Variants in WRAP73 observed in about 807,000 individuals in gnomAD.
WRAP73 encodes WD repeat containing, antisense to TP73.
In WRAP73, 55 loss-of-function variants were observed where a neutral mutation model predicts 59.6. That is an observed-to-expected ratio of 0.92 (90% CI 0.74 to 1.15). WRAP73 has a LOEUF of 1.15. Among genes scored for constraint, WRAP73 ranks in the 50% most tolerant of loss-of-function variants. WRAP73 has a pLI of 0.00. For synonymous variants in WRAP73, 265 were observed against 258.2 expected, an observed-to-expected ratio of 1.03 and a Z score of -0.25; for missense variants, 592 against 608.1, an observed-to-expected ratio of 0.97 and a Z score of 0.28.
intron 2 of WRAP73, 94 bp downstream of exon 2, chr1:3,647,313 CT>C (rs1644701162): frequency 5.5e-5 from 74 of 1,341,210 alleles, no homozygotes; most frequent in South Asian, 1.2e-4. Flanking sequence ...GCTGCACGGA[CT>C]TTTTTTTCAA....
At chr1:3,647,316 T>C in intron 2 of WRAP73, 92 bp downstream of exon 2, 1 of 1,368,070 alleles carries the variant, frequency 7.3e-7, no homozygotes, top group Non-Finnish European at 9.6e-7. Flanking sequence ...GCACGGACTT[T>C]TTTTTCAAAC....
At chr1:3,631,782 G>A (rs1310819291) in intron 10 of WRAP73, 125 bp from the exon 11 acceptor site, 3 of 1,447,766 alleles carry the variant, frequency 2.1e-6, no homozygotes, top group East Asian at 2.5e-5. Flanking sequence ...TGGGGCGGCT[G>A]CACCCTGCAG....
Position 3,646,740 on chromosome 1 carries a change from C to T in WRAP73, c.265G>A (p.Glu89Lys), listed in dbSNP as rs2101972105. Reference protein sequence around the residue: ...EQPEWHCKIDEGSAGLVASCW... With the variant: ...EQPEWHCKIDKGSAGLVASCW... ...GAGGCCACCAGCCCGGCTGAGCCCT[C>T]GTCTATTTTGCAGTGCCATTCGGGC... is the stretch of plus-strand genomic sequence containing the variant. The change falls in exon 3 of 12, where the codon GAG (glutamate) becomes AAG (lysine). Residue 89 changes from glutamate to lysine, a missense_variant. Physicochemically the swap from Glu to Lys is moderately conservative, Grantham distance 56. Coordinates refer to ENST00000270708, the MANE Select transcript of WRAP73 (RefSeq NM_017818.4). The surrounding 1 kb of genome is among the most constrained non-coding windows in gnomAD (Gnocchi z 5.1). 1.9e-6 allele frequency: 3 copies of T among 1,611,592 alleles called. No homozygotes were observed. The highest frequency in any genetic ancestry group is 1.7e-5 in the Admixed American group (1 of 59,690).
chr1:3,641,350 G>A (rs1227070240), intron 3 of WRAP73, among the ~76,000 whole-genome samples: 7 of 152,030 alleles, frequency 4.6e-5, no homozygotes, highest in Admixed American at 1.3e-4. Flanking sequence ...CACTCAAGAC[G>A]GGAGGAACAG....
intron 6 of WRAP73, 117 bp from the exon 7 acceptor site, chr1:3,635,411 C>G: frequency 7.1e-7 from 1 of 1,405,580 alleles, no homozygotes; most frequent in Non-Finnish European, 9.7e-7. Context: ...GCAGGACTGT[C>G]CGCGTGGCCG....
At chr1:3,632,468 C>A in intron 9 of WRAP73, 130 bp from the exon 10 acceptor site, 1 of 1,469,570 alleles carries the variant, frequency 6.8e-7, no homozygotes. Context: ...GAAAGTGCGG[C>A]CCAAGGGCAG....
In WRAP73 at chr1:3,631,303, C is replaced by T. The variant is rs116783078; in HGVS notation, c.1240+163G>A. 2,304 of 1,294,872 alleles carry T rather than the reference C, an allele frequency of 1.8e-3. 29 individuals are homozygous for T. The African/African-American group carries it at 0.028, about 16-fold the overall frequency. 80.2% of individuals were successfully genotyped at this position (1,294,872 alleles called of 1,614,324 possible). On this transcript the variant is annotated intron_variant, in intron 11 of 11. Transcript: ENST00000270708. ...TTCTAGCCCATAAAGCTGAGGGCAG[C>T]GGGTCCCCTGTGTGTCCGTCTTGAG...
At chr1:3,636,053 C>T (rs750237439) in intron 5 of WRAP73, 23 bp from the exon 6 acceptor site, 3 of 1,581,434 alleles carry the variant, frequency 1.9e-6, no homozygotes, top group Non-Finnish European at 1.7e-6. Context: ...GGGGGGGAAA[C>T]ATTAAATTTG....
At position 3,631,099 on chromosome 1, in the gene WRAP73, G is replaced by C; in HGVS notation, c.1259C>G (p.Ser420Cys). Reference sequence around the variant, plus strand: ...GTCTCCGCTTAAATGCCAGCACAGAGAGAGCACTGCAAAGTCGCCTAGAGA... The same window carrying C: ...GTCTCCGCTTAAATGCCAGCACAGACAGAGCACTGCAAAGTCGCCTAGAGA... Reference protein sequence around the residue: ...VPGEGDFAVLSLCWHLSGDSM... With the variant: ...VPGEGDFAVLCLCWHLSGDSM... Residue 420 changes from serine (S) to cysteine (C), a missense_variant, in exon 12 of 12, where the codon TCT becomes TGT. By Grantham distance (112) the Ser-to-Cys change is moderately radical. Transcript: ENST00000270708. The C allele has an allele frequency of 6.2e-7, 1 of 1,613,356 alleles. No homozygotes were observed. Among genetic ancestry groups the C allele is most frequent in the Middle Eastern group, 1.6e-4 (1 of 6,062 alleles).
intron 1 of WRAP73, among the ~76,000 whole-genome samples, chr1:3,648,768 T>C (rs536665687): frequency 6.6e-6 from 1 of 152,200 alleles, no homozygotes; most frequent in Non-Finnish European, 1.5e-5. Context: ...TCACTGAAAT[T>C]TTCATAAATG....
chr1:3,631,373 G>A, intron 11 of WRAP73, 93 bp downstream of exon 11: 1 of 1,459,730 alleles, frequency 6.9e-7, no homozygotes, highest in Non-Finnish European at 9.3e-7. Context: ...AGTGCTGCCG[G>A]AGACAGCAGC....
chr1:3,636,797 G>A (rs953738818), intron 5 of WRAP73, 198 bp downstream of exon 5: 22 of 670,894 alleles, frequency 3.3e-5, no homozygotes, highest in African/African-American at 1.2e-4. Context: ...ACCTGGGCAC[G>A]CGTCCTTTTC....
intron 6 of WRAP73, 73 bp downstream of exon 6, chr1:3,635,871 T>C (rs1644584539): frequency 1.6e-6 from 2 of 1,267,986 alleles, no homozygotes; most frequent in East Asian, 2.3e-5. Flanking sequence ...CAAACTATAT[T>C]GCAGCATTCA....
At chr1:3,645,902 A>G (rs1334110188) in intron 3 of WRAP73, among the ~76,000 whole-genome samples, 3 of 152,182 alleles carry the variant, frequency 2.0e-5, no homozygotes, top group Non-Finnish European at 4.4e-5. Flanking sequence ...CAGGCTCCTG[A>G]AGGAAAGGTG....
chr1:3,640,485 ACCCGAGG>A (rs1644630133), intron 3 of WRAP73, among the ~76,000 whole-genome samples: 1 of 88,896 alleles, frequency 1.1e-5, no homozygotes, highest in Non-Finnish European at 2.2e-5. Context: ...AGGGTGGAAC[ACCCGAGG>A]CTCTGAGCAT....
At chr1:3,635,612 G>A in intron 6 of WRAP73, 1 of 483,784 alleles carries the variant, frequency 2.1e-6, no homozygotes, top group East Asian at 3.9e-5. Context: ...CTTGAACACA[G>A]AAGTTCAAGA....
Position 3,633,478 on chromosome 1 carries a change from C to G in WRAP73, c.842G>C (p.Ser281Thr), listed in dbSNP as rs370183710. 99 of 1,608,764 alleles carry G rather than the reference C, an allele frequency of 6.2e-5. 1 individual carries two copies. In the Middle Eastern group the frequency reaches 1.2e-3, roughly 19 times the overall value. Residue 281 changes from serine to threonine, a missense_variant, in exon 9 of 12, where the codon AGC (serine) becomes ACC (threonine). By Grantham distance (58) the Ser-to-Thr change is moderately conservative. Transcript: ENST00000270708. ...KIVVYKEAEK[S>T]PQLGLGCLSF... ...GAGGCAGCCCAGTCCCAGCTGTGGGCTCTTCTCGGCCTCCTTATACACCAC... is the reference window on the plus strand; with the variant it reads ...GAGGCAGCCCAGTCCCAGCTGTGGGGTCTTCTCGGCCTCCTTATACACCAC...
Position 3,646,883 on chromosome 1 carries a change from G to A in WRAP73, c.223-101C>T. On this transcript the variant is annotated intron_variant, in intron 2 of 11. Coordinates refer to ENST00000270708, the MANE Select transcript of WRAP73 (RefSeq NM_017818.4). This position sits in a 1 kb window ranked among gnomAD's most constrained non-coding sequence, Gnocchi z 5.1. ...ACGCAGCGGAGACCCGACCGCACAG[G>A]GTGTCTTCAAACTCATCAGCAGTCT... 1.0e-6 allele frequency: 1 copy of A among 978,950 alleles called. No individual in the cohort carries two copies. The allele number at this position is 978,950 out of a possible 1,614,324, so 60.6% of individuals were successfully genotyped here.
Position 3,649,956 on chromosome 1 carries a change from T to G in WRAP73, c.44A>C (p.Lys15Thr), listed in dbSNP as rs1428564149. Residue 15 changes from lysine (K) to threonine (T), a missense_variant, in exon 1 of 12, where the codon AAG becomes ACG. Coordinates refer to ENST00000270708, the MANE Select transcript of WRAP73 (RefSeq NM_017818.4). ...EVFKLSSLLC[K>T]FSPDGKYLAS... The stretch of plus-strand genomic sequence containing the variant: ...CAGGTACTTGCCGTCCGGGGAGAAC[T>G]TGCAGAGTAAGCTGGAGAGCTTGAA... 1.9e-6 allele frequency: 3 copies of G among 1,604,058 alleles called. No individual in the cohort carries two copies. The Admixed American group carries it at 5.1e-5, about 27-fold the overall frequency.
Sources: gnomAD v4.1 joint callset for allele counts (sites outside exome capture counted in the v4.1 genomes callset) on GRCh38, gnomAD v4.1.1 for gene constraint, Gnocchi (gnomAD v3.1) non-coding constraint, MANE v1.5 for transcripts, NCBI Gene and HGNC (gene_info 2026-07-23, HGNC 2026-07-21) for gene names.